Variants in PTPN3 observed in about 807,000 individuals in gnomAD.
The protein encoded by PTPN3 is tyrosine-protein phosphatase non-receptor type 3.
Under a neutral mutation model 132.7 loss-of-function variants are expected in PTPN3, and 96 were observed. The ratio of observed to expected loss-of-function variants is 0.72; its 90% CI spans 0.61 to 0.86. PTPN3 has a LOEUF of 0.86. Among genes scored for constraint, PTPN3 ranks in the 40% least tolerant of loss-of-function variants. PTPN3 has a pLI of 0.00. For missense variants in PTPN3, 1,125 were observed against 1,159.6 expected (o/e 0.97, Z 0.43); for synonymous variants, 398 against 429.0 (o/e 0.93, Z 0.89).
intron 5 of PTPN3, among the ~76,000 whole-genome samples, chr9:109,453,594 T>C (rs1845391473): frequency 6.6e-6 from 1 of 152,114 alleles, no homozygotes; most frequent in African/African-American, 2.4e-5. Flanking sequence ...ACAACTCCTA[T>C]CACAGCCCTC....
intron 1 of PTPN3, among the ~76,000 whole-genome samples, chr9:109,479,681 T>C (rs994507115): frequency 1.3e-5 from 2 of 152,158 alleles, no homozygotes; most frequent in Non-Finnish European, 2.9e-5. Context: ...CCAGGCTCAA[T>C]GGATCTTCCC....
At chr9:109,417,661 C>T (rs1181399368) in intron 14 of PTPN3, 1 of 985,196 alleles carries the variant, frequency 1.0e-6, no homozygotes, top group Non-Finnish European at 1.2e-6. Context: ...AGTGGCTTCC[C>T]ACCGGCAGGA....
At chr9:109,415,816 C>A (rs1025098027) in intron 14 of PTPN3, among the ~76,000 whole-genome samples, 1 of 152,072 alleles carries the variant, frequency 6.6e-6, no homozygotes, top group African/African-American at 2.4e-5. Context: ...AAACAATGGC[C>A]CCCCTTACCA....
chr9:109,529,158 T>C, the PTPN3 span, among the ~76,000 whole-genome samples: 1 of 152,232 alleles, frequency 6.6e-6, no homozygotes, highest in Non-Finnish European at 1.5e-5. Flanking sequence ...CACTTCCACC[T>C]GGGAGAGATG....
chr9:109,412,359 C>T (rs1842147300), intron 14 of PTPN3, among the ~76,000 whole-genome samples: 1 of 151,680 alleles, frequency 6.6e-6, no homozygotes, highest in African/African-American at 2.4e-5. Context: ...AGGCATTCGC[C>T]ATGTCCAACT....
chr9:109,416,478 C>T (rs1350477035), intron 14 of PTPN3, among the ~76,000 whole-genome samples: 2 of 148,914 alleles, frequency 1.3e-5, no homozygotes, highest in Non-Finnish European at 3.0e-5. Context: ...CAGGGTCTCA[C>T]TCCAATGCCC....
intron 22 of PTPN3, among the ~76,000 whole-genome samples, chr9:109,387,335 T>C (rs1032932537): frequency 6.6e-6 from 1 of 152,196 alleles, no homozygotes; most frequent in African/African-American, 2.4e-5. Flanking sequence ...TAAGTGTGCA[T>C]TTCACCAAAC....
Position 109,379,642 on chromosome 9 carries a change from G to GA in PTPN3, c.2665-10dup, listed in dbSNP as rs779649838. 11 of 1,611,952 alleles carry GA rather than the reference G, an allele frequency of 6.8e-6. No individual in the cohort carries two copies. Among genetic ancestry groups the GA allele is most frequent in the African/African-American group, 1.3e-5 (1 of 74,964 alleles). ...ACAAACTTGTACTGGCTCTGGAAAA[G>GA]AAAAAAATGCTGTCAAGTCCTGTAG... On this transcript the variant is annotated splice_polypyrimidine_tract_variant and intron_variant, in intron 25 of 25. Transcript: ENST00000374541.
At chr9:109,422,460 G>C (rs1263129580) in intron 13 of PTPN3, among the ~76,000 whole-genome samples, 4 of 152,124 alleles carry the variant, frequency 2.6e-5, no homozygotes, top group Non-Finnish European at 5.9e-5. Context: ...TTCCAAAGGA[G>C]GCCTTTCAGC....
chr9:109,398,461 T>C (rs1440258668), intron 19 of PTPN3, among the ~76,000 whole-genome samples: 1 of 152,174 alleles, frequency 6.6e-6, no homozygotes, highest in Non-Finnish European at 1.5e-5. Context: ...ATGGGCAATG[T>C]AGGAGTAAGT....
chr9:109,450,228 T>C, intron 5 of PTPN3: 1 of 985,350 alleles, frequency 1.0e-6, no homozygotes, highest in Non-Finnish European at 1.2e-6. Flanking sequence ...ATAACATACA[T>C]TTGCTGATTC....
the PTPN3 span, among the ~76,000 whole-genome samples, chr9:109,527,333 C>T: frequency 1.3e-5 from 2 of 152,150 alleles, no homozygotes; most frequent in Non-Finnish European, 2.9e-5. Flanking sequence ...TAGTGGTGCA[C>T]GCCTGTAATC....
the PTPN3 span, among the ~76,000 whole-genome samples, chr9:109,515,775 CTCT>C: frequency 6.6e-6 from 1 of 152,122 alleles, no homozygotes; most frequent in African/African-American, 2.4e-5. Context: ...TAGCAACCAG[CTCT>C]TAGGTGAACC....
intron 1 of PTPN3, among the ~76,000 whole-genome samples, chr9:109,480,225 G>A (rs1846895058): frequency 6.6e-6 from 1 of 152,190 alleles, no homozygotes; most frequent in African/African-American, 2.4e-5. Flanking sequence ...CCAGGCTGGA[G>A]GGCAGTAGCA....
chr9:109,518,458 C>T, the PTPN3 span, among the ~76,000 whole-genome samples: 1 of 152,118 alleles, frequency 6.6e-6, no homozygotes, highest in East Asian at 1.9e-4. Context: ...GAACCTTTGG[C>T]CATAGGATGC....
the PTPN3 span, among the ~76,000 whole-genome samples, chr9:109,535,969 G>A: frequency 3.3e-5 from 5 of 152,108 alleles, no homozygotes; most frequent in African/African-American, 1.2e-4. Flanking sequence ...TAGTTGCAGA[G>A]CATTTTCACC....
rs34673663 is a variant in PTPN3 at position 109,443,075 on chromosome 9, A to ATT, written c.466+2163_466+2164dup. ...CATAACTGGCCACCGGAGACATCAG[A>ATT]TTTTTTTTTTTTTTTTTTGAGACAG... On this transcript the variant is annotated intron_variant, in intron 7 of 25. Coordinates refer to ENST00000374541, the MANE Select transcript of PTPN3 (RefSeq NM_002829.4). 9.5e-3 allele frequency among the ~76,000 whole-genome samples: 1,306 copies of ATT among 137,412 alleles called. 47 individuals are homozygous for ATT. The highest frequency in any genetic ancestry group is 0.063 in the Admixed American group (853 of 13,442). 90.1% of individuals were successfully genotyped at this position (137,412 alleles called of 152,430 possible).
intron 7 of PTPN3, among the ~76,000 whole-genome samples, chr9:109,440,827 A>G (rs41278405): frequency 0.34 from 51,429 of 152,162 alleles, 9,643 homozygotes; most frequent in African/African-American, 0.48. Flanking sequence ...AACACAACCA[A>G]TGAGCCTCCC....
the PTPN3 span, among the ~76,000 whole-genome samples, chr9:109,529,979 C>A: frequency 6.6e-6 from 1 of 152,082 alleles, no homozygotes; most frequent in Non-Finnish European, 1.5e-5. Context: ...GAACTCCTGG[C>A]CTCAAGCATT....
Sources: gnomAD v4.1 joint callset for allele counts (sites outside exome capture counted in the v4.1 genomes callset) on GRCh38, gnomAD v4.1.1 for gene constraint, MANE v1.5 for transcripts, NCBI Gene and HGNC (gene_info 2026-07-23, HGNC 2026-07-21) for gene names.